UBASH3B: variants seen among roughly 807,000 people sequenced by gnomAD.
The protein encoded by UBASH3B is ubiquitin associated and SH3 domain containing B.
UBASH3B carries 37 observed loss-of-function variants against 83.4 expected under a neutral mutation model. The ratio of observed to expected loss-of-function variants is 0.44; its 90% CI spans 0.34 to 0.58. UBASH3B has a LOEUF of 0.58. UBASH3B is among the 20% of genes least tolerant of loss of function. UBASH3B has a pLI of 0.01. For synonymous variants in UBASH3B, 304 were observed against 318.3 expected, an observed-to-expected ratio of 0.96 and a Z score of 0.48; for missense variants, 657 against 827.2, an observed-to-expected ratio of 0.79 and a Z score of 2.52.
At chr11:122,757,685 T>C (rs1314051703) in intron 1 of UBASH3B, among the ~76,000 whole-genome samples, 1 of 148,824 alleles carries the variant, frequency 6.7e-6, no homozygotes, top group Non-Finnish European at 1.5e-5. Context: ...AGAAGCCCAA[T>C]GGGAAGACAA....
chr11:122,783,601 CAT>C (rs1860896025), intron 5 of UBASH3B, among the ~76,000 whole-genome samples: 1 of 152,052 alleles, frequency 6.6e-6, no homozygotes, highest in South Asian at 2.1e-4. Flanking sequence ...AGTTGAAGAA[CAT>C]ATAAATACCA....
chr11:122,682,711 C>T (rs1345687284), intron 1 of UBASH3B, among the ~76,000 whole-genome samples: 1 of 152,142 alleles, frequency 6.6e-6, no homozygotes, highest in Admixed American at 6.5e-5. Flanking sequence ...CCCCTCCCCT[C>T]CAAGAGGGAG....
chr11:122,755,105 C>A (rs1183936598), intron 1 of UBASH3B, among the ~76,000 whole-genome samples: 1 of 152,086 alleles, frequency 6.6e-6, no homozygotes, highest in Non-Finnish European at 1.5e-5. Context: ...AGAAGTCAGA[C>A]TACACGGTTC....
At chr11:122,668,523 C>T (rs989576970) in intron 1 of UBASH3B, among the ~76,000 whole-genome samples, 4 of 152,090 alleles carry the variant, frequency 2.6e-5, no homozygotes, top group Non-Finnish European at 5.9e-5. Flanking sequence ...CCACTTGTAC[C>T]AGTGATAGGA....
At chr11:122,695,164 A>G (rs138696990) in intron 1 of UBASH3B, among the ~76,000 whole-genome samples, 13,492 of 151,830 alleles carry the variant, frequency 0.089, 686 homozygotes, top group Middle Eastern at 0.11. Context: ...GGGTTTCACC[A>G]TGTTGGCCAG....
chr11:122,729,975 TAAAAAAAAAA>T (rs34778631), intron 1 of UBASH3B, among the ~76,000 whole-genome samples: 970 of 27,966 alleles, frequency 0.035, 32 homozygotes, highest in African/African-American at 0.16. Context: ...AGACCCTATC[TAAAAAAAAAA>T]AAAAAAAAAA....
chr11:122,774,395 GAAC>G (rs1434769442), intron 1 of UBASH3B: 1 of 806,112 alleles, frequency 1.2e-6, no homozygotes, highest in Non-Finnish European at 1.5e-6. Context: ...CTGTGGAGCA[GAAC>G]AACAGAGGCT....
At chr11:122,662,592 T>TG (rs1300888845) in intron 1 of UBASH3B, among the ~76,000 whole-genome samples, 1 of 151,534 alleles carries the variant, frequency 6.6e-6, no homozygotes, top group Non-Finnish European at 1.5e-5. Context: ...CCATCACGCC[T>TG]GGCTAATTTT....
chr11:122,688,754 C>T (rs1863844587), intron 1 of UBASH3B, among the ~76,000 whole-genome samples: 2 of 152,020 alleles, frequency 1.3e-5, no homozygotes. Context: ...ACCCCATTCT[C>T]CTGCCTCAGC....
rs376357604 is a variant in UBASH3B at position 122,672,327 on chromosome 11, CT to C, written c.161+16129del. On this transcript the variant is annotated intron_variant, in intron 1 of 13. Coordinates refer to ENST00000284273, the MANE Select transcript of UBASH3B (RefSeq NM_032873.5). Reference sequence around the variant, plus strand: ...GAAAAACGGATGCCTATTTTGTGAACTTTTTTTTTTTTGAGATGGAGTCTCC... The same window carrying C: ...GAAAAACGGATGCCTATTTTGTGAACTTTTTTTTTTTGAGATGGAGTCTCC... Among the ~76,000 whole-genome samples, 998 of 146,436 alleles carry C rather than the reference CT, an allele frequency of 6.8e-3. 10 individuals are homozygous for C. The highest frequency in any genetic ancestry group is 0.023 in the African/African-American group (904 of 40,176).
intron 1 of UBASH3B, among the ~76,000 whole-genome samples, chr11:122,743,920 C>T (rs913039821): frequency 3.9e-5 from 6 of 152,162 alleles, no homozygotes; most frequent in Non-Finnish European, 5.9e-5. Context: ...AAACCCCTGG[C>T]GAGGAAGAGG....
intron 1 of UBASH3B, among the ~76,000 whole-genome samples, chr11:122,711,997 G>C (rs1302367067): frequency 6.6e-6 from 1 of 150,386 alleles, no homozygotes; most frequent in Admixed American, 6.6e-5. Flanking sequence ...GCTTCCCCTT[G>C]GTTTGAAGCC....
rs747308994 is a variant in UBASH3B at position 122,797,016 on chromosome 11, T to C, written c.1340T>C (p.Met447Thr). 2.5e-6 allele frequency: 4 copies of C among 1,612,128 alleles called. No homozygotes were observed. Among genetic ancestry groups the C allele is most frequent in the East Asian group, 2.2e-5 (1 of 44,864 alleles). ...KDAPITVFGC[M>T]QARLVGEALL... ...GCTCCCATCACTGTGTTTGGATGCA[T>C]GCAAGCAAGACTAGTGGGTAAGTAT... The change falls in exon 9 of 14, where the codon ATG (methionine) becomes ACG (threonine). Residue 447 changes from methionine (M) to threonine (T), a missense_variant. Transcript: ENST00000284273.
intron 10 of UBASH3B, 92 bp from the exon 11 acceptor site, chr11:122,801,096 A>G: frequency 6.7e-7 from 1 of 1,487,910 alleles, no homozygotes; most frequent in Non-Finnish European, 9.2e-7. Flanking sequence ...GCCAGTAGGA[A>G]AGAGAATAGC....
At chr11:122,809,666 C>A in intron 13 of UBASH3B, 83 bp from the exon 14 acceptor site, 1 of 1,465,408 alleles carries the variant, frequency 6.8e-7, no homozygotes, top group South Asian at 1.3e-5. Flanking sequence ...TCTAGGGCCA[C>A]ATGAATATCT....
intron 1 of UBASH3B, among the ~76,000 whole-genome samples, chr11:122,664,626 G>A (rs918758158): frequency 6.6e-6 from 1 of 152,154 alleles, no homozygotes; most frequent in African/African-American, 2.4e-5. Flanking sequence ...TATGTGATAG[G>A]TGATCCCTTT....
chr11:122,770,271 A>T (rs1044506668), intron 1 of UBASH3B, among the ~76,000 whole-genome samples: 1 of 152,212 alleles, frequency 6.6e-6, no homozygotes, highest in Non-Finnish European at 1.5e-5. Flanking sequence ...TACTATTTTG[A>T]GGGAATATGT....
At chr11:122,689,030 C>T (rs181762440) in intron 1 of UBASH3B, among the ~76,000 whole-genome samples, 129 of 150,332 alleles carry the variant, frequency 8.6e-4, no homozygotes, top group African/African-American at 3.0e-3. Context: ...GAACTCCTGA[C>T]CTCAAGTGAT....
intron 1 of UBASH3B, chr11:122,726,061 T>C (rs1175163929): frequency 6.6e-6 from 1 of 152,172 alleles, no homozygotes; most frequent in Non-Finnish European, 1.5e-5. Context: ...ATGCTCATGG[T>C]TCAAAGAACA....
Sources: gnomAD v4.1 joint callset for allele counts (sites outside exome capture counted in the v4.1 genomes callset) on GRCh38, gnomAD v4.1.1 for gene constraint, MANE v1.5 for transcripts, NCBI Gene and HGNC (gene_info 2026-07-23, HGNC 2026-07-21) for gene names.